The following MYH6 variants were observed in gnomAD, a reference collection of about 807,000 sequenced individuals.
MYH6 encodes myosin-6.
MYH6 carries 126 observed loss-of-function variants against 223.2 expected under a neutral mutation model. The observed-to-expected ratio is 0.56, with a 90% CI of 0.49 to 0.65. The LOEUF (loss-of-function observed/expected upper bound fraction) is 0.65. MYH6 is among the 30% of genes least tolerant of loss of function. The pLI is 0.00. For missense variants in MYH6, 2,040 were observed against 2,536.4 expected, an observed-to-expected ratio of 0.80 and a Z score of 4.20; for synonymous variants, 978 against 1,010.2, an observed-to-expected ratio of 0.97 and a Z score of 0.61.
chr14:23,390,777 G>A (rs553154282), intron 25 of MYH6, among the ~76,000 whole-genome samples: 13 of 152,268 alleles, frequency 8.5e-5, no homozygotes, highest in Admixed American at 5.2e-4. Context: ...TGGTTGAAGG[G>A]GGATCCTGGT....
intron 30 of MYH6, 22 bp downstream of exon 30, chr14:23,388,133 G>A (rs781518167): frequency 4.3e-6 from 7 of 1,612,208 alleles, no homozygotes; most frequent in Non-Finnish European, 5.1e-6. Context: ...CATGCTGGCT[G>A]CGGCCCCCGC....
Position 23,384,671 on chromosome 14 carries a change from G to T in MYH6, c.5336C>A (p.Ala1779Asp), listed in dbSNP as rs769271404. The change falls in exon 36 of 39, where the codon GCC (alanine) becomes GAC (aspartate). Residue 1779 changes from alanine to aspartate, a missense_variant. Physicochemically the swap from Ala to Asp is moderately radical, Grantham distance 126 (BLOSUM62 -2). Transcript: ENST00000405093. ...EELKKEQDTS[A>D]HLERMKKNME... ...GTTCTTCTTCATGCGCTCCAGGTGGGCGCTGGTGTCCTGCTCCTTCTTCAG... is the reference window on the plus strand; with the variant it reads ...GTTCTTCTTCATGCGCTCCAGGTGGTCGCTGGTGTCCTGCTCCTTCTTCAG... 1.6e-5 allele frequency: 26 copies of T among 1,614,116 alleles called. No individual in the cohort carries two copies. Among genetic ancestry groups the T allele is most frequent in the Non-Finnish European group, 2.2e-5 (26 of 1,180,060 alleles).
chr14:23,402,613 G>A lies in MYH6; in HGVS notation c.1003-11C>T. 1 of 1,613,824 alleles carries A rather than the reference G, an allele frequency of 6.2e-7. No homozygotes were observed. The highest frequency in any genetic ancestry group is 8.5e-7 in the Non-Finnish European group (1 of 1,179,968). On this transcript the variant is annotated splice_polypyrimidine_tract_variant and intron_variant, in intron 11 of 38. Coordinates refer to ENST00000405093, the MANE Select transcript of MYH6 (RefSeq NM_002471.4). ...CACGTCAAAGGCACTCTGGGACAGA[G>A]CGAGAGACAAAGAGGGGGGTTGGAG...
intron 16 of MYH6, 116 bp from the exon 17 acceptor site, chr14:23,397,373 T>C: frequency 3.1e-6 from 4 of 1,295,972 alleles, no homozygotes; most frequent in East Asian, 2.3e-5. Context: ...GGCTGCCACA[T>C]AATTTGTGAC....
At position 23,387,537 on chromosome 14, in the gene MYH6, C is replaced by T; in HGVS notation, c.4642G>A (p.Glu1548Lys). ...GAGTTCTCGGCCCTCACCTCTGCCTCCTCCAGGGCTGACTGCAGCTCCAGC... is the reference window on the plus strand; with the variant it reads ...GAGTTCTCGGCCCTCACCTCTGCCTTCTCCAGGGCTGACTGCAGCTCCAGC... ...EKLELQSALE[E>K]AEASLEHEEG... Residue 1548 changes from glutamate to lysine, a missense_variant, in exon 32 of 39, where the codon GAG (glutamate) becomes AAG (lysine). By Grantham distance (56) the Glu-to-Lys change is moderately conservative. Around this residue, in one of 4 missense-constraint regions of MYH6, gnomAD observed 1,203 missense variants for 1,400.2 expected, o/e 0.86. Coordinates refer to ENST00000405093, the MANE Select transcript of MYH6 (RefSeq NM_002471.4). The T allele has an allele frequency of 1.2e-6, 2 of 1,613,834 alleles. No homozygotes were observed. The highest frequency in any genetic ancestry group is 1.7e-6 in the Non-Finnish European group (2 of 1,180,028).
In MYH6 at chr14:23,386,297, C is replaced by G. The variant is rs764224547; in HGVS notation, c.4959+18G>C. The G allele has an allele frequency of 6.2e-7, 1 of 1,613,988 alleles. No homozygotes were observed. Among genetic ancestry groups the G allele is most frequent in the Non-Finnish European group, 8.5e-7 (1 of 1,180,046 alleles). On this transcript the variant is annotated intron_variant, in intron 33 of 38. Transcript: ENST00000405093. ...CATGGAGGCCAGTCCCCTGAGGGGACCTCCCGCCCCCATGTACCTTCAGCA... is the reference window on the plus strand; with the variant it reads ...CATGGAGGCCAGTCCCCTGAGGGGAGCTCCCGCCCCCATGTACCTTCAGCA...
rs141079114 is a variant in MYH6, at chr14:23,393,518, C to T, written c.2929G>A (p.Val977Met). 2.5e-6 allele frequency: 4 copies of T among 1,614,070 alleles called. No individual in the cohort carries two copies. In the South Asian group the frequency reaches 4.4e-5, roughly 18 times the overall value. ...GCCATCTCCTCTGTTAGGTTCTTCA[C>T]CTGCCGACCAAAAACCCATCCCCTT... ...EKEKHATENK[V>M]KNLTEEMAGL... Residue 977 changes from valine to methionine, a missense_variant and splice_region_variant, in exon 23 of 39, where the codon GTG (valine) becomes ATG (methionine). Around this residue, in one of 4 missense-constraint regions of MYH6, gnomAD observed 1,203 missense variants for 1,400.2 expected, o/e 0.86. Transcript: ENST00000405093.
rs1476873799 is a variant in MYH6, at chr14:23,383,277, A to G, written c.5609T>C (p.Val1870Ala). The change falls in exon 37 of 39, where the codon GTG becomes GCG. Residue 1870 changes from valine to alanine, a missense_variant. Transcript: ENST00000405093. ...KKNLLRLQDLVDKLQLKVKAY... is the reference protein window; with the variant it reads ...KKNLLRLQDLADKLQLKVKAY... ...CTTGACCTTCAGTTGCAGCTTGTCC[A>G]CCAGGTCCTGTAGCCGCAGCAGGTT... 7.3e-7 allele frequency: 1 copy of G among 1,372,902 alleles called. No individual in the cohort carries two copies. Among genetic ancestry groups the G allele is most frequent in the Non-Finnish European group, 9.6e-7 (1 of 1,038,128 alleles). The allele number at this position is 1,372,902 out of a possible 1,614,324, so 85.0% of individuals were successfully genotyped here. A position where few individuals can be genotyped will look rare whatever the true frequency, so the allele number is the denominator to read the frequency against.
rs773356587 is a variant in MYH6 at position 23,386,477 on chromosome 14, C to T, written c.4797G>A (p.Leu1599=). 5 of 1,614,208 alleles carry T rather than the reference C, an allele frequency of 3.1e-6. No homozygotes were observed. In the Admixed American group the frequency reaches 6.7e-5, roughly 22 times the overall value. The change falls in exon 33 of 39, where the codon CTG becomes CTA. Residue 1599 remains leucine, a synonymous_variant. Transcript: ENST00000405093. ...KRNHQRVVDS[L]QTSLDAETRS... is the part of the protein sequence containing the mutation. ...GTGTCTCTGCATCCAGGGAGGTCTG[C>T]AGCGAGTCCACCACCCGCTGGTGGT...
Position 23,392,664 on chromosome 14 carries a change from G to T in MYH6, c.3252-12C>A. ...TGTCAAACTCCTTCCTGCAGGAGAA[G>T]GGTGGGGGTGGGGGAGTGACAGGTA... On this transcript the variant is annotated splice_polypyrimidine_tract_variant and intron_variant, in intron 24 of 38. Coordinates refer to ENST00000405093, the MANE Select transcript of MYH6 (RefSeq NM_002471.4). 7.8e-7 allele frequency: 1 copy of T among 1,281,506 alleles called. No individual in the cohort carries two copies. The highest frequency in any genetic ancestry group is 1.1e-6 in the Non-Finnish European group (1 of 877,698). The allele number at this position is 1,281,506 out of a possible 1,614,324, so 79.4% of individuals were successfully genotyped here.
At position 23,405,718 on chromosome 14, in the gene MYH6, T is replaced by C; in HGVS notation, c.254A>G (p.Asp85Gly). The C allele has an allele frequency of 2.5e-6, 4 of 1,614,136 alleles. No individual in the cohort carries two copies. Among genetic ancestry groups the C allele is most frequent in the Non-Finnish European group, 3.4e-6 (4 of 1,180,004 alleles). The change falls in exon 4 of 39, where the codon GAC (aspartate) becomes GGC (glycine). Residue 85 changes from aspartate (D) to glycine (G), a missense_variant. Physicochemically the swap from Asp to Gly is moderately conservative, Grantham distance 94. Around this residue, in one of 4 missense-constraint regions of MYH6, gnomAD observed 184 missense variants for 232.4 expected, o/e 0.79. Coordinates refer to ENST00000405093, the MANE Select transcript of MYH6 (RefSeq NM_002471.4). This position sits in a 1 kb window ranked among gnomAD's most constrained non-coding sequence, Gnocchi z 4.7. ...CAGCATGGCCATGTCCTCAATCTTGTCGAACTTGGGTGGGTTCTGCTGCAA... is the reference window on the plus strand; with the variant it reads ...CAGCATGGCCATGTCCTCAATCTTGCCGAACTTGGGTGGGTTCTGCTGCAA... ...QVLQQNPPKF[D>G]KIEDMAMLTF...
intron 14 of MYH6, 154 bp downstream of exon 14, chr14:23,400,102 G>C: frequency 3.4e-6 from 4 of 1,172,366 alleles, no homozygotes; most frequent in Non-Finnish European, 3.7e-6. Context: ...GGATCATCCT[G>C]TTCATGCCCA....
intron 28 of MYH6, 69 bp from the exon 29 acceptor site, chr14:23,389,124 T>C (rs1308990630): frequency 6.7e-7 from 1 of 1,498,490 alleles, no homozygotes; most frequent in African/African-American, 1.4e-5. Context: ...ATTCTCTTCT[T>C]ATGTAGTACT....
rs1891820957 is a variant in MYH6 at position 23,407,282 on chromosome 14, G to C, written c.-13-46C>G. 6.2e-7 allele frequency: 1 copy of C among 1,606,008 alleles called. No homozygotes were observed. The highest frequency in any genetic ancestry group is 1.3e-5 in the African/African-American group (1 of 74,884). Reference sequence around the variant, plus strand: ...CTATGTTACTCCTGAGGGAGCCCAGGCTCCAGCGAGTGGCTTTGTCCTCTG... The same window carrying C: ...CTATGTTACTCCTGAGGGAGCCCAGCCTCCAGCGAGTGGCTTTGTCCTCTG... On this transcript the variant is annotated intron_variant, in intron 2 of 38. Transcript: ENST00000405093. This position sits in a 1 kb window ranked among gnomAD's most constrained non-coding sequence, Gnocchi z 5.6.
chr14:23,397,728 C>T (rs534863712), intron 15 of MYH6, 115 bp from the exon 16 acceptor site: 4 of 1,082,014 alleles, frequency 3.7e-6, no homozygotes, highest in Admixed American at 3.7e-5. Flanking sequence ...AAGGAATTCT[C>T]CAAGATTCAG....
chr14:23,401,011 C>CTT (rs751108399), intron 12 of MYH6, 34 bp from the exon 13 acceptor site: 88 of 1,455,272 alleles, frequency 6.0e-5, no homozygotes, highest in African/African-American at 1.0e-4. Flanking sequence ...TGAGCACTTC[C>CTT]TTTTTTTTTT....
chr14:23,407,189 G>A lies in MYH6; in HGVS notation c.35C>T (p.Ala12Val), dbSNP rs562487638. ...CTCTGACTTGCGGAGGTACTGGGCC[G>A]CTGCCCCAAAGTCAGCCATCTGGGC... is the stretch of plus-strand genomic sequence containing the variant. Reference protein sequence around the residue: ...TDAQMADFGAAAQYLRKSEKE... With the variant: ...TDAQMADFGAVAQYLRKSEKE... The change falls in exon 3 of 39, where the codon GCG (alanine) becomes GTG (valine). Residue 12 changes from alanine (A) to valine (V), a missense_variant. Physicochemically the swap from Ala to Val is moderately conservative, Grantham distance 64 (BLOSUM62 0). Coordinates refer to ENST00000405093, the MANE Select transcript of MYH6 (RefSeq NM_002471.4). This position sits in a 1 kb window ranked among gnomAD's most constrained non-coding sequence, Gnocchi z 5.6. 5.0e-6 allele frequency: 8 copies of A among 1,614,116 alleles called. No individual in the cohort carries two copies. Among genetic ancestry groups the A allele is most frequent in the African/African-American group, 2.7e-5 (2 of 74,936 alleles).
At chr14:23,397,937 C>CTTCTTCTTCTTCTTT (rs1566512326) in intron 15 of MYH6, among the ~76,000 whole-genome samples, 2 of 60,446 alleles carry the variant, frequency 3.3e-5, no homozygotes, top group African/African-American at 6.5e-5. Flanking sequence ...TCCTCCTCTT[C>CTTCTTCTTCTTCTTT]TTCTTCTTCT....
In MYH6 at chr14:23,389,474, T is replaced by G; in HGVS notation, c.3897A>C (p.Leu1299=). 1 of 1,614,168 alleles carries G rather than the reference T, an allele frequency of 6.2e-7. No individual in the cohort carries two copies. The highest frequency in any genetic ancestry group is 8.5e-7 in the Non-Finnish European group (1 of 1,180,016). ...LARQLEEKEA[L]ISQLTRGKLS... ...GCTTCCCCCGGGTCAGCTGCGAGAT[T>G]AGCGCCTCCTTTTCCTCTAGCTGCC... is the stretch of plus-strand genomic sequence containing the variant. The change falls in exon 28 of 39, where the codon CTA becomes CTC. Residue 1299 remains leucine, a synonymous_variant. Coordinates refer to ENST00000405093, the MANE Select transcript of MYH6 (RefSeq NM_002471.4).
Sources: allele counts gnomAD v4.1 joint callset (sites outside exome capture counted in the v4.1 genomes callset), GRCh38; gene constraint gnomAD v4.1.1; regional missense constraint gnomAD v4.1.1; non-coding constraint Gnocchi (gnomAD v3.1); transcripts MANE v1.5; gene names NCBI Gene and HGNC (gene_info 2026-07-23, HGNC 2026-07-21).